XKR6: variants seen among roughly 807,000 people sequenced by gnomAD.
XKR6 encodes the protein XK-related protein 6.
XKR6 carries 22 observed loss-of-function variants against 56.7 expected under a neutral mutation model. The observed-to-expected ratio is 0.39, with a 90% CI of 0.28 to 0.55. The LOEUF (loss-of-function observed/expected upper bound fraction) is 0.55. Among genes scored for constraint, XKR6 ranks in the 20% least tolerant of loss-of-function variants. The pLI, the probability that XKR6 is intolerant of heterozygous loss-of-function variation, is 0.66. For missense variants in XKR6, 852 were observed against 889.0 expected, an observed-to-expected ratio of 0.96 and a Z score of 0.53; for synonymous variants, 524 against 387.8, an observed-to-expected ratio of 1.35 and a Z score of -4.13.
At chr8:11,107,498 G>T (rs568859320) in intron 1 of XKR6, among the ~76,000 whole-genome samples, 2 of 152,210 alleles carry the variant, frequency 1.3e-5, no homozygotes, top group East Asian at 3.9e-4. Flanking sequence ...ATCAATTTTT[G>T]ACTCCTTTGT....
chr8:11,145,314 C>A (rs1266047714), intron 1 of XKR6, among the ~76,000 whole-genome samples: 1 of 152,074 alleles, frequency 6.6e-6, no homozygotes, highest in Admixed American at 6.5e-5. Flanking sequence ...ATAAGGAGGA[C>A]TCAGTCTGCA....
intron 2 of XKR6, among the ~76,000 whole-genome samples, chr8:10,924,074 C>T (rs182447768): frequency 6.6e-6 from 1 of 152,322 alleles, no homozygotes; most frequent in African/African-American, 2.4e-5. Context: ...AAATGTCACC[C>T]CATGTGTTGT....
chr8:10,918,722 A>T (rs1486966386), intron 2 of XKR6, among the ~76,000 whole-genome samples: 1 of 152,140 alleles, frequency 6.6e-6, no homozygotes, highest in Non-Finnish European at 1.5e-5. Flanking sequence ...GGACAGAGCC[A>T]TCACTCTTCA....
chr8:11,180,502 G>A (rs1802912813), intron 1 of XKR6, among the ~76,000 whole-genome samples: 1 of 152,248 alleles, frequency 6.6e-6, no homozygotes, highest in Non-Finnish European at 1.5e-5. Flanking sequence ...CCCTGCAAGG[G>A]TGGGGGAAGC....
At chr8:10,968,795 T>C (rs1228894222) in intron 1 of XKR6, among the ~76,000 whole-genome samples, 1 of 151,922 alleles carries the variant, frequency 6.6e-6, no homozygotes, top group Non-Finnish European at 1.5e-5. Context: ...AGGAGGAAAA[T>C]GAGAAAGATT....
chr8:10,984,830 T>A (rs1327490811), intron 1 of XKR6, among the ~76,000 whole-genome samples: 5 of 150,706 alleles, frequency 3.3e-5, no homozygotes, highest in African/African-American at 1.2e-4. Context: ...TGGAAAGCCA[T>A]CTGATGTTCT....
In XKR6 at chr8:11,201,284, T is replaced by G. The variant is rs1457307022; in HGVS notation, c.56A>C (p.Asn19Thr). Residue 19 changes from asparagine (N) to threonine (T), a missense_variant, in exon 1 of 3, where the codon AAC becomes ACC. Transcript: ENST00000416569. ...GVGVGFAQLHNLDEAVGSGGE... is the reference protein window; with the variant it reads ...GVGVGFAQLHTLDEAVGSGGE... ...GCCGCTGCCCACCGCCTCGTCCAGG[T>G]TGTGCAGCTGAGCGAAGCCCACCCC... is the stretch of plus-strand genomic sequence containing the variant. 3 of 1,572,748 alleles carry G rather than the reference T, an allele frequency of 1.9e-6. No individual in the cohort carries two copies. The highest frequency in any genetic ancestry group is 3.6e-4 in the Middle Eastern group (2 of 5,594).
chr8:10,898,533 C>T lies in XKR6; in HGVS notation c.1345G>A (p.Val449Ile). ...GTCAAGGCAGCATTCTCGGTCAAGA[C>T]TATCGTATAATATGCAAACATTCGA... ...RYRMFAYYTI[V>I]LTENAALTFL... The change falls in exon 3 of 3, where the codon GTC (valine) becomes ATC (isoleucine). Residue 449 changes from valine to isoleucine, a missense_variant. Val to Ile is a conservative substitution (Grantham distance 29, BLOSUM62 3). This residue lies in a region of XKR6 where 197 missense variants were observed against 190.9 expected (regional missense o/e 1.03). Coordinates refer to ENST00000416569, the MANE Select transcript of XKR6 (RefSeq NM_173683.4). This position sits in a 1 kb window ranked among gnomAD's most constrained non-coding sequence, Gnocchi z 6.6. 1 of 1,614,136 alleles carries T rather than the reference C, an allele frequency of 6.2e-7. No individual in the cohort carries two copies. Among genetic ancestry groups the T allele is most frequent in the Non-Finnish European group, 8.5e-7 (1 of 1,180,032 alleles).
At chr8:11,049,725 A>C (rs1305703763) in intron 1 of XKR6, among the ~76,000 whole-genome samples, 2 of 152,208 alleles carry the variant, frequency 1.3e-5, no homozygotes, top group Admixed American at 6.5e-5. Flanking sequence ...TAAAAACCAA[A>C]AACATTCTCT....
chr8:11,085,801 A>ATACCGG (rs1453961400), intron 1 of XKR6, among the ~76,000 whole-genome samples: 2 of 152,082 alleles, frequency 1.3e-5, no homozygotes, highest in Non-Finnish European at 2.9e-5. Context: ...CTTCCTCCTC[A>ATACCGG]TACCCCAGCT....
At chr8:11,024,449 T>C (rs1329275879) in intron 1 of XKR6, among the ~76,000 whole-genome samples, 1 of 152,186 alleles carries the variant, frequency 6.6e-6, no homozygotes. Context: ...TTAAATAAAG[T>C]AATCCAGGTA....
chr8:10,917,578 G>C (rs1243430220), intron 2 of XKR6, among the ~76,000 whole-genome samples: 3 of 152,200 alleles, frequency 2.0e-5, no homozygotes, highest in Non-Finnish European at 4.4e-5. Context: ...CCCAGCACAA[G>C]TCTGATCCCA....
intron 1 of XKR6, among the ~76,000 whole-genome samples, chr8:11,160,911 CAAAAAAAA>C (rs33931830): frequency 9.4e-5 from 6 of 63,778 alleles, no homozygotes; most frequent in South Asian, 6.6e-4. Context: ...GACTCCGTCT[CAAAAAAAA>C]AAAAAAAAAA....
In XKR6 at chr8:11,003,417, TATC is replaced by T. The variant is rs543813346; in HGVS notation, c.765-78590_765-78588del. Among the ~76,000 whole-genome samples the T allele has an allele frequency of 9.9e-5, 15 of 152,144 alleles. No homozygotes were observed. The South Asian group carries it at 2.7e-3, about 27-fold the overall frequency. ...TCATCATTATCACCATTATCATAATTATCATCAACATCATCACCATCACCACAA... is the reference window on the plus strand; with the variant it reads ...TCATCATTATCACCATTATCATAATTATCAACATCATCACCATCACCACAA... On this transcript the variant is annotated intron_variant, in intron 1 of 2. Transcript: ENST00000416569.
At chr8:11,083,050 C>G (rs922336667) in intron 1 of XKR6, among the ~76,000 whole-genome samples, 5 of 152,232 alleles carry the variant, frequency 3.3e-5, no homozygotes, top group Non-Finnish European at 5.9e-5. Context: ...TCCTCCTGCC[C>G]TGAGGTTTCT....
At chr8:10,908,805 T>C (rs759282007) in intron 2 of XKR6, among the ~76,000 whole-genome samples, 19 of 152,188 alleles carry the variant, frequency 1.2e-4, no homozygotes, top group Non-Finnish European at 2.6e-4. Context: ...CTCTGCCTCC[T>C]GAATGGATTG....
chr8:11,125,838 G>C (rs1340383085), intron 1 of XKR6: 1 of 152,216 alleles, frequency 6.6e-6, no homozygotes, highest in Non-Finnish European at 1.5e-5. Flanking sequence ...AGGACCCTCA[G>C]AATGTTTAGT....
At chr8:11,050,571 T>TAAA (rs56370844) in intron 1 of XKR6, among the ~76,000 whole-genome samples, 10 of 142,070 alleles carry the variant, frequency 7.0e-5, no homozygotes, top group African/African-American at 1.6e-4. Context: ...TCATTTTATT[T>TAAA]AAAAAAAAAA....
intron 1 of XKR6, among the ~76,000 whole-genome samples, chr8:11,178,546 A>AT (rs1563197688): frequency 0.056 from 3,325 of 59,308 alleles, 164 homozygotes; most frequent in African/African-American, 0.31. Flanking sequence ...TGAGAGGTAA[A>AT]AATATATATA....
Sources: gnomAD v4.1 joint callset for allele counts (sites outside exome capture counted in the v4.1 genomes callset) on GRCh38, gnomAD v4.1.1 for gene constraint, gnomAD v4.1.1 regional missense constraint, Gnocchi (gnomAD v3.1) non-coding constraint, MANE v1.5 for transcripts, NCBI Gene and HGNC (gene_info 2026-07-23, HGNC 2026-07-21) for gene names.